The following SNTG1 variants were observed in gnomAD, a reference collection of about 807,000 sequenced individuals.
SNTG1 encodes syntrophin gamma 1.
In SNTG1, 39 loss-of-function variants were observed where a neutral mutation model predicts 74.7. The observed-to-expected ratio is 0.52, with a 90% CI of 0.40 to 0.68. The LOEUF (loss-of-function observed/expected upper bound fraction) is 0.68. Among genes scored for constraint, SNTG1 ranks in the 30% least tolerant of loss-of-function variants. The pLI is 0.00. For synonymous variants in SNTG1, 254 were observed against 217.1 expected, an observed-to-expected ratio of 1.17 and a Z score of -1.49; for missense variants, 685 against 609.5, an observed-to-expected ratio of 1.12 and a Z score of -1.30.
intron 1 of SNTG1, among the ~76,000 whole-genome samples, chr8:50,026,365 T>G (rs1388583295): frequency 6.6e-6 from 1 of 152,206 alleles, no homozygotes. Context: ...TAAGTGAATG[T>G]GCACAAGAGC....
intron 1 of SNTG1, among the ~76,000 whole-genome samples, chr8:50,115,720 T>C (rs2080797058): frequency 6.6e-6 from 1 of 151,952 alleles, no homozygotes; most frequent in Admixed American, 6.6e-5. Flanking sequence ...ACTTTATTGT[T>C]TACATTGCAT....
intron 18 of SNTG1, among the ~76,000 whole-genome samples, chr8:50,784,878 A>C (rs1286199558): frequency 6.6e-6 from 1 of 152,172 alleles, no homozygotes; most frequent in Admixed American, 6.5e-5. Context: ...AATGGAATAA[A>C]ATTAGAAATG....
At chr8:50,041,787 G>A (rs78880009) in intron 1 of SNTG1, among the ~76,000 whole-genome samples, 1 of 152,098 alleles carries the variant, frequency 6.6e-6, no homozygotes, top group East Asian at 1.9e-4. Flanking sequence ...TAGACTCTAT[G>A]AATTGATCTT....
At chr8:50,714,631 T>A (rs1476572772) in intron 17 of SNTG1, among the ~76,000 whole-genome samples, 1 of 152,026 alleles carries the variant, frequency 6.6e-6, no homozygotes, top group Non-Finnish European at 1.5e-5. Context: ...AGTCAAAGAA[T>A]AACACTATGA....
chr8:50,550,519 T>C (rs993206941), intron 11 of SNTG1, among the ~76,000 whole-genome samples: 6 of 152,206 alleles, frequency 3.9e-5, no homozygotes, highest in South Asian at 4.1e-4. Flanking sequence ...ACTAAATTTG[T>C]ATTTTAAATG....
intron 15 of SNTG1, among the ~76,000 whole-genome samples, chr8:50,660,565 C>T (rs2095217481): frequency 6.6e-6 from 1 of 151,966 alleles, no homozygotes; most frequent in African/African-American, 2.4e-5. Context: ...AACAAATCAA[C>T]TTTGTCTATT....
At chr8:50,041,057 C>T (rs187452522) in intron 1 of SNTG1, among the ~76,000 whole-genome samples, 55 of 152,100 alleles carry the variant, frequency 3.6e-4, no homozygotes, top group African/African-American at 1.0e-3. Context: ...CCACCATGCC[C>T]GGCTAATTTT....
intron 1 of SNTG1, among the ~76,000 whole-genome samples, chr8:50,160,547 G>T (rs13249868): frequency 6.6e-6 from 1 of 151,690 alleles, no homozygotes; most frequent in Non-Finnish European, 1.5e-5. Context: ...AACTAGGATA[G>T]TTTCTAGGAT....
At chr8:50,151,463 G>C (rs1298253383) in intron 1 of SNTG1, among the ~76,000 whole-genome samples, 2 of 152,004 alleles carry the variant, frequency 1.3e-5, no homozygotes, top group East Asian at 3.9e-4. Context: ...TTTTGAATGT[G>C]TTTCCTCTTG....
intron 1 of SNTG1, among the ~76,000 whole-genome samples, chr8:50,080,330 A>G (rs1822291451): frequency 6.6e-6 from 1 of 152,124 alleles, no homozygotes; most frequent in South Asian, 2.1e-4. Flanking sequence ...CTATCCTTTT[A>G]ATTTCAATCT....
chr8:50,100,415 G>A (rs1422915533), intron 1 of SNTG1, among the ~76,000 whole-genome samples: 2 of 152,014 alleles, frequency 1.3e-5, no homozygotes, highest in African/African-American at 4.8e-5. Context: ...AACTGCTAAA[G>A]GAGAGGGTTT....
At chr8:49,924,251 G>A (rs1399051564) in intron 1 of SNTG1, among the ~76,000 whole-genome samples, 1 of 152,104 alleles carries the variant, frequency 6.6e-6, no homozygotes, top group African/African-American at 2.4e-5. Flanking sequence ...AAATTATTAT[G>A]ACTTTCATAA....
intron 2 of SNTG1, among the ~76,000 whole-genome samples, chr8:50,345,772 A>G (rs975952038): frequency 6.6e-6 from 1 of 152,240 alleles, no homozygotes; most frequent in Non-Finnish European, 1.5e-5. Context: ...TCTTTTATCT[A>G]TAAAAGTCTA....
chr8:50,770,676 G>A (rs2095624812), intron 18 of SNTG1, among the ~76,000 whole-genome samples: 1 of 152,074 alleles, frequency 6.6e-6, no homozygotes. Flanking sequence ...GATTCTCAAT[G>A]TGACAGTGTG....
Position 50,118,693 on chromosome 8 carries a change from ATTTTC to A in SNTG1, c.-102-53863_-102-53859del, listed in dbSNP as rs1343398746. 1.4e-5 allele frequency among the ~76,000 whole-genome samples: 2 copies of A among 141,924 alleles called. 1 individual carries two copies. The highest frequency in any genetic ancestry group is 3.1e-5 in the Non-Finnish European group (2 of 63,774). 93.1% of individuals were successfully genotyped at this position (141,924 alleles called of 152,430 possible). ...GCCTATGAGTTGAAAACAAAGTATTATTTTCTTTTATTTTTCCTTTATAGTTTATA... is the reference window on the plus strand; with the variant it reads ...GCCTATGAGTTGAAAACAAAGTATTATTTTATTTTTCCTTTATAGTTTATA... On this transcript the variant is annotated intron_variant, in intron 1 of 18. Coordinates refer to ENST00000642720, the MANE Select transcript of SNTG1 (RefSeq NM_018967.5).
At chr8:50,290,668 C>A (rs779740367) in intron 2 of SNTG1, among the ~76,000 whole-genome samples, 7 of 152,126 alleles carry the variant, frequency 4.6e-5, no homozygotes, top group Non-Finnish European at 1.0e-4. Flanking sequence ...CCTATTCATT[C>A]TTCTTGAGGA....
intron 1 of SNTG1, among the ~76,000 whole-genome samples, chr8:50,010,183 A>G (rs889908710): frequency 3.9e-5 from 6 of 152,136 alleles, no homozygotes; most frequent in African/African-American, 1.4e-4. Flanking sequence ...CTAGTTTGGG[A>G]TTGTGTCCAC....
At chr8:50,737,636 T>C (rs545251027) in intron 17 of SNTG1, among the ~76,000 whole-genome samples, 1 of 152,254 alleles carries the variant, frequency 6.6e-6, no homozygotes, top group South Asian at 2.1e-4. Flanking sequence ...ATATTTCTGA[T>C]GAATATCAGT....
chr8:50,751,441 T>A (rs1421327872), intron 17 of SNTG1, among the ~76,000 whole-genome samples: 1 of 152,044 alleles, frequency 6.6e-6, no homozygotes, highest in Non-Finnish European at 1.5e-5. Context: ...AGATTTCTGT[T>A]ACTTTCTGCT....
Sources: allele counts gnomAD v4.1 joint callset (sites outside exome capture counted in the v4.1 genomes callset), GRCh38; gene constraint gnomAD v4.1.1; transcripts MANE v1.5; gene names NCBI Gene and HGNC (gene_info 2026-07-23, HGNC 2026-07-21).